ITGA9: variants seen among roughly 807,000 people sequenced by gnomAD.
ITGA9 encodes the protein integrin subunit alpha 9.
In ITGA9, 56 loss-of-function variants were observed where a neutral mutation model predicts 127.8. That is an observed-to-expected ratio of 0.44 (90% CI 0.35 to 0.55). The LOEUF is 0.55. Among genes scored for constraint, ITGA9 ranks in the 20% least tolerant of loss-of-function variants. The pLI is 0.00. For synonymous variants in ITGA9, 508 were observed against 514.5 expected (o/e 0.99, Z 0.17); for missense variants, 1,196 against 1,347.1 (o/e 0.89, Z 1.76).
chr3:37,689,678 G>A (rs1700813058), intron 18 of ITGA9, among the ~76,000 whole-genome samples: 1 of 152,242 alleles, frequency 6.6e-6, no homozygotes, highest in African/African-American at 2.4e-5. Flanking sequence ...TGGGTTCCAT[G>A]TAAACGACAC....
chr3:37,579,302 C>G (rs1699681442), intron 15 of ITGA9, among the ~76,000 whole-genome samples: 1 of 152,216 alleles, frequency 6.6e-6, no homozygotes, highest in South Asian at 2.1e-4. Context: ...CTTCAAGGAT[C>G]AAGGATCCTT....
chr3:37,720,244 C>T (rs771076326), intron 18 of ITGA9, among the ~76,000 whole-genome samples: 8 of 152,186 alleles, frequency 5.3e-5, no homozygotes, highest in Non-Finnish European at 8.8e-5. Flanking sequence ...ACCATGAGTA[C>T]ATTTCTATGA....
At chr3:37,588,437 T>C (rs1339140155) in intron 15 of ITGA9, among the ~76,000 whole-genome samples, 1 of 152,060 alleles carries the variant, frequency 6.6e-6, no homozygotes, top group Non-Finnish European at 1.5e-5. Context: ...AGGCTGCCCT[T>C]GGACCTCAGG....
At chr3:37,605,435 G>A (rs1388810470) in intron 15 of ITGA9, among the ~76,000 whole-genome samples, 1 of 152,130 alleles carries the variant, frequency 6.6e-6, no homozygotes, top group Non-Finnish European at 1.5e-5. Context: ...GAGCAGGAGA[G>A]CAAGCAGAGA....
intron 16 of ITGA9, among the ~76,000 whole-genome samples, chr3:37,647,634 C>A (rs113104505): frequency 6.6e-6 from 1 of 152,064 alleles, no homozygotes; most frequent in Non-Finnish European, 1.5e-5. Flanking sequence ...TACTCCCTAC[C>A]CCCTCCCCGA....
intron 18 of ITGA9, among the ~76,000 whole-genome samples, chr3:37,707,385 G>A (rs1211816058): frequency 3.3e-5 from 5 of 152,150 alleles, no homozygotes; most frequent in Non-Finnish European, 5.9e-5. Flanking sequence ...ATTTGAAGAC[G>A]TTTATGAAAC....
intron 17 of ITGA9, 42 bp downstream of exon 17, chr3:37,653,832 T>A: frequency 6.8e-7 from 1 of 1,467,052 alleles, no homozygotes; most frequent in Non-Finnish European, 9.6e-7. Context: ...TCAGGCTCCT[T>A]TTTCTTGACC....
intron 27 of ITGA9, among the ~76,000 whole-genome samples, chr3:37,813,010 G>A (rs946101780): frequency 3.9e-5 from 6 of 152,250 alleles, no homozygotes; most frequent in Non-Finnish European, 8.8e-5. Flanking sequence ...TCACATGAGC[G>A]GGTGTGTATG....
chr3:37,456,859 G>A (rs1294822241), intron 1 of ITGA9, among the ~76,000 whole-genome samples: 1 of 152,220 alleles, frequency 6.6e-6, no homozygotes, highest in Non-Finnish European at 1.5e-5. Context: ...AGATATATTG[G>A]TATGTAAATT....
chr3:37,790,004 C>T, intron 26 of ITGA9: 1 of 586,920 alleles, frequency 1.7e-6, no homozygotes, highest in Non-Finnish European at 3.1e-6. Context: ...GAATTCACAT[C>T]TTTCTGTTCT....
Position 37,533,236 on chromosome 3 carries a change from C to T in ITGA9, c.1374-78C>T, listed in dbSNP as rs558463725. 21 of 1,289,454 alleles carry T rather than the reference C, an allele frequency of 1.6e-5. No individual in the cohort carries two copies. In the African/African-American group the frequency reaches 2.9e-4, roughly 18 times the overall value. 79.9% of individuals were successfully genotyped at this position (1,289,454 alleles called of 1,614,324 possible). ...GCTGGGTTGAAGGCCTAGGATTTAT[C>T]CTGTTGGTCTAGTTCTTGTTTGGTT... is the stretch of plus-strand genomic sequence containing the variant. On this transcript the variant is annotated intron_variant, in intron 13 of 27. Coordinates refer to ENST00000264741, the MANE Select transcript of ITGA9 (RefSeq NM_002207.3).
chr3:37,657,839 A>G (rs972962209), intron 17 of ITGA9, among the ~76,000 whole-genome samples: 1 of 152,110 alleles, frequency 6.6e-6, no homozygotes, highest in African/African-American at 2.4e-5. Context: ...TAGTGCTATA[A>G]ATTTTCCTCT....
chr3:37,723,324 C>G (rs1399086157), intron 18 of ITGA9, among the ~76,000 whole-genome samples: 1 of 139,498 alleles, frequency 7.2e-6, no homozygotes, highest in African/African-American at 2.5e-5. Flanking sequence ...TCCAGATTAT[C>G]CAGTTTTTTT....
chr3:37,498,254 C>A (rs1048596840), intron 5 of ITGA9, among the ~76,000 whole-genome samples: 2 of 152,100 alleles, frequency 1.3e-5, no homozygotes, highest in African/African-American at 4.8e-5. Context: ...TAGATTTGGC[C>A]CTTGCTCATG....
Position 37,707,549 on chromosome 3 carries a change from A to G in ITGA9, c.2067+23534A>G, listed in dbSNP as rs113647060. 3.5e-3 allele frequency among the ~76,000 whole-genome samples: 536 copies of G among 152,242 alleles called. 5 individuals carry two copies. The highest frequency in any genetic ancestry group is 0.012 in the African/African-American group (506 of 41,536). On this transcript the variant is annotated intron_variant, in intron 18 of 27. Coordinates refer to ENST00000264741, the MANE Select transcript of ITGA9 (RefSeq NM_002207.3). The stretch of plus-strand genomic sequence containing the variant: ...ATTGGTATGTTTTTCTGTGTTCAGA[A>G]TGTCATTCCTCAGCCCCCAGGGGAC...
intron 17 of ITGA9, among the ~76,000 whole-genome samples, chr3:37,680,417 C>G (rs1463725217): frequency 6.6e-6 from 1 of 152,192 alleles, no homozygotes; most frequent in Non-Finnish European, 1.5e-5. Flanking sequence ...TGCCTGGCTG[C>G]TTCCCTTAAT....
At chr3:37,660,252 C>G (rs1700520799) in intron 17 of ITGA9, among the ~76,000 whole-genome samples, 1 of 152,046 alleles carries the variant, frequency 6.6e-6, no homozygotes, top group African/African-American at 2.4e-5. Context: ...TTAAATAGGC[C>G]TTCCACAAAG....
At chr3:37,714,820 A>C (rs937875475) in intron 18 of ITGA9, among the ~76,000 whole-genome samples, 4 of 152,182 alleles carry the variant, frequency 2.6e-5, no homozygotes, top group Non-Finnish European at 4.4e-5. Context: ...TGCTACGGGC[A>C]GGTTATCCCA....
At chr3:37,630,331 G>C (rs543496330) in intron 16 of ITGA9, among the ~76,000 whole-genome samples, 1 of 152,304 alleles carries the variant, frequency 6.6e-6, no homozygotes, top group Admixed American at 6.5e-5. Flanking sequence ...TTCCCTAGAA[G>C]CAGAGCCTGA....
Sources: gnomAD v4.1 joint callset for allele counts (sites outside exome capture counted in the v4.1 genomes callset) on GRCh38, gnomAD v4.1.1 for gene constraint, MANE v1.5 for transcripts, NCBI Gene and HGNC (gene_info 2026-07-23, HGNC 2026-07-21) for gene names.